SEM1: variants seen among roughly 807,000 people sequenced by gnomAD.
SEM1 encodes 26S proteasome complex subunit SEM1.
In SEM1, 3 loss-of-function variants were observed where a neutral mutation model predicts 12.7. The ratio of observed to expected loss-of-function variants is 0.24; its 90% CI spans 0.11 to 0.61. The LOEUF is 0.61. SEM1 is among the 20% of genes least tolerant of loss of function. The probability of loss-of-function intolerance (pLI) is 0.88; values close to 1 mark genes in which losing one functional copy is unlikely to be tolerated. For synonymous variants in SEM1, 30 were observed against 27.8 expected, an observed-to-expected ratio of 1.08 and a Z score of -0.25; for missense variants, 59 against 81.3, an observed-to-expected ratio of 0.73 and a Z score of 1.06.
At chr7:96,665,196 C>T (rs968755491) in intron 2 of SEM1, among the ~76,000 whole-genome samples, 2 of 152,118 alleles carry the variant, frequency 1.3e-5, no homozygotes, top group African/African-American at 4.8e-5. Flanking sequence ...AGCCCCTGAC[C>T]CAGCTCTCTG....
chr7:96,590,491 G>A (rs1048101591), intron 2 of SEM1, among the ~76,000 whole-genome samples: 3 of 152,168 alleles, frequency 2.0e-5, no homozygotes, highest in Non-Finnish European at 4.4e-5. Flanking sequence ...TATATATACA[G>A]ACTATGCTTA....
intron 2 of SEM1, among the ~76,000 whole-genome samples, chr7:96,552,209 A>G (rs1353051761): frequency 6.6e-6 from 1 of 151,024 alleles, no homozygotes; most frequent in East Asian, 2.0e-4. Context: ...TTTTTATTAT[A>G]CTTTAAGTTT....
At chr7:96,521,424 C>T (rs766500746) in intron 2 of SEM1, among the ~76,000 whole-genome samples, 1 of 152,118 alleles carries the variant, frequency 6.6e-6, no homozygotes, top group Non-Finnish European at 1.5e-5. Context: ...GTGGGACAAG[C>T]GTCTGGTTAG....
intron 2 of SEM1, among the ~76,000 whole-genome samples, chr7:96,559,924 G>T (rs1805639943): frequency 6.6e-6 from 1 of 152,156 alleles, no homozygotes; most frequent in South Asian, 2.1e-4. Flanking sequence ...TGGAGCTATG[G>T]GATAGAAACA....
intron 2 of SEM1, among the ~76,000 whole-genome samples, chr7:96,639,751 T>C (rs570270100): frequency 1.3e-5 from 2 of 151,950 alleles, no homozygotes; most frequent in African/African-American, 4.8e-5. Flanking sequence ...TAAAAAAAAA[T>C]TCTGTTCTGT....
chr7:96,481,717 A>C (rs1802549885), exon 4 of SEM1: 1 of 152,178 alleles, frequency 6.6e-6, no homozygotes, highest in Non-Finnish European at 1.5e-5. Context: ...TATATGCCAA[A>C]ATTTCATTTC....
chr7:96,646,846 A>G (rs901994999), intron 2 of SEM1, among the ~76,000 whole-genome samples: 7 of 152,186 alleles, frequency 4.6e-5, no homozygotes, highest in African/African-American at 1.7e-4. Context: ...GAATTAGCAG[A>G]TATCTATAAA....
At chr7:96,645,624 G>T (rs1808762517) in intron 2 of SEM1, 1 of 396,306 alleles carries the variant, frequency 2.5e-6, no homozygotes, top group Non-Finnish European at 4.4e-6. Flanking sequence ...ACAGGGAGTG[G>T]GCACACTCTT....
chr7:96,497,675 G>C (rs1251627447), upstream of SEM1, among the ~76,000 whole-genome samples: 1 of 152,114 alleles, frequency 6.6e-6, no homozygotes, highest in Non-Finnish European at 1.5e-5. Flanking sequence ...TGAGCAACTG[G>C]AAAACTGGAC....
chr7:96,545,458 G>GA (rs796785650), intron 2 of SEM1, among the ~76,000 whole-genome samples: 10 of 149,246 alleles, frequency 6.7e-5, no homozygotes, highest in South Asian at 2.1e-4. Context: ...CATATGAGGG[G>GA]AAAAAAAAAA....
chr7:96,509,193 A>T (rs1803854053), intron 2 of SEM1, among the ~76,000 whole-genome samples: 1 of 143,764 alleles, frequency 7.0e-6, no homozygotes, highest in Admixed American at 7.2e-5. Flanking sequence ...TTCAGTAGAG[A>T]CAGGGTTTCT....
At chr7:96,561,059 C>A (rs529419467) in intron 2 of SEM1, among the ~76,000 whole-genome samples, 1 of 152,202 alleles carries the variant, frequency 6.6e-6, no homozygotes, top group East Asian at 1.9e-4. Flanking sequence ...TGAGACTTCA[C>A]GTGTGTGCCA....
chr7:96,608,322 T>C (rs1248585686), intron 2 of SEM1, among the ~76,000 whole-genome samples: 2 of 152,182 alleles, frequency 1.3e-5, no homozygotes, highest in Non-Finnish European at 2.9e-5. Context: ...GTTGGAACCC[T>C]ACTTCCGAGC....
exon 2 of SEM1, chr7:96,486,215 G>T: frequency 6.5e-7 from 1 of 1,535,674 alleles, no homozygotes; most frequent in Non-Finnish European, 8.7e-7. Context: ...GCAGACCCAG[G>T]CTAACTCTGT....
chr7:96,646,794 A>G (rs1243431603), intron 2 of SEM1, among the ~76,000 whole-genome samples: 2 of 152,202 alleles, frequency 1.3e-5, no homozygotes, highest in African/African-American at 2.4e-5. Context: ...TGTAAGAGTC[A>G]CAGAGTTTAT....
chr7:96,541,636 A>T (rs944039352), intron 2 of SEM1, among the ~76,000 whole-genome samples: 1 of 151,172 alleles, frequency 6.6e-6, no homozygotes, highest in Non-Finnish European at 1.5e-5. Context: ...TTTTGTGGCA[A>T]TTGCTTTTGA....
intron 2 of SEM1, among the ~76,000 whole-genome samples, chr7:96,653,058 G>A (rs1423594841): frequency 6.6e-6 from 1 of 152,150 alleles, no homozygotes; most frequent in Non-Finnish European, 1.5e-5. Context: ...ATGGTGGCAG[G>A]TACTATGATC....
intron 2 of SEM1, among the ~76,000 whole-genome samples, chr7:96,625,019 C>T (rs1255869934): frequency 1.3e-5 from 2 of 152,102 alleles, no homozygotes; most frequent in Non-Finnish European, 2.9e-5. Flanking sequence ...TAAGTGAAAA[C>T]GTTATTTATC....
At chr7:96,547,357 T>G (rs754178561) in intron 2 of SEM1, among the ~76,000 whole-genome samples, 7 of 152,194 alleles carry the variant, frequency 4.6e-5, no homozygotes, top group South Asian at 4.1e-4. Context: ...TGCTTTGCTT[T>G]ATCTGCGAAA....
Sources: allele counts gnomAD v4.1 joint callset (sites outside exome capture counted in the v4.1 genomes callset), GRCh38; gene constraint gnomAD v4.1.1; transcripts MANE v1.5; gene names NCBI Gene and HGNC (gene_info 2026-07-23, HGNC 2026-07-21).